DYNC1H1: variants seen among roughly 807,000 people sequenced by gnomAD.
DYNC1H1 encodes dynein cytoplasmic 1 heavy chain 1.
DYNC1H1 carries 51 observed loss-of-function variants against 527.1 expected under a neutral mutation model. The ratio of observed to expected loss-of-function variants is 0.10; its 90% CI spans 0.08 to 0.12. The LOEUF (loss-of-function observed/expected upper bound fraction) is 0.12. Among genes scored for constraint, DYNC1H1 ranks in the 10% least tolerant of loss-of-function variants. The pLI is 1.00. For synonymous variants in DYNC1H1, 2,189 were observed against 2,278.8 expected, an observed-to-expected ratio of 0.96 and a Z score of 1.12; for missense variants, 2,771 against 5,971.8, an observed-to-expected ratio of 0.46 and a Z score of 17.66.
chr14:102,000,414 C>T lies in DYNC1H1; in HGVS notation c.4074+15C>T, dbSNP rs553514749. On this transcript the variant is annotated intron_variant, in intron 18 of 77. Coordinates refer to ENST00000360184, the MANE Select transcript of DYNC1H1 (RefSeq NM_001376.5). ...AGCCTCGAAAGGTATATCATGAAATCGGTGTTTGTGTACGTCTATTTTAAC... is the reference window on the plus strand; with the variant it reads ...AGCCTCGAAAGGTATATCATGAAATTGGTGTTTGTGTACGTCTATTTTAAC... 2.5e-5 allele frequency: 40 copies of T among 1,611,790 alleles called. No homozygotes were observed. Among genetic ancestry groups the T allele is most frequent in the African/African-American group, 1.3e-4 (10 of 74,940 alleles).
Position 102,049,647 on chromosome 14 carries a change from C to G in DYNC1H1, c.13515+65C>G. 1 of 1,613,376 alleles carries G rather than the reference C, an allele frequency of 6.2e-7. No homozygotes were observed. The highest frequency in any genetic ancestry group is 2.2e-5 in the East Asian group (1 of 44,876). On this transcript the variant is annotated intron_variant, in intron 75 of 77. Transcript: ENST00000360184. This position sits in a 1 kb window ranked among gnomAD's most constrained non-coding sequence, Gnocchi z 5.5. The stretch of plus-strand genomic sequence containing the variant: ...GTCCTGGGCTGGGGTGGGAGTGGCT[C>G]TGGGGAAAAACACAGGGCCCAGGTC...
chr14:102,038,245 C>T lies in DYNC1H1; in HGVS notation c.10909-215C>T, dbSNP rs2048600539. 9 of 710,768 alleles carry T rather than the reference C, an allele frequency of 1.3e-5. No individual in the cohort carries two copies. The highest frequency in any genetic ancestry group is 4.5e-5 in the Admixed American group (2 of 44,448). 44.0% of individuals were successfully genotyped at this position (710,768 alleles called of 1,614,324 possible). ...CTGCCTGCCTCAGCCTCCCAAAGTG[C>T]TGGAATTACAGGCGTGAGCCACCGC... On this transcript the variant is annotated intron_variant, in intron 57 of 77. Coordinates refer to ENST00000360184, the MANE Select transcript of DYNC1H1 (RefSeq NM_001376.5). The surrounding 1 kb of genome is among the most constrained non-coding windows in gnomAD (Gnocchi z 7.2).
In DYNC1H1 at chr14:102,043,887, C is replaced by T; in HGVS notation, c.12526C>T (p.Arg4176Cys). ...VSRICKSPNE[R>C]ARLYFLLAWF... ...CTTTCCTCACCAGTCTCCCAACGAG[C>T]GTGCCCGCTTGTACTTCCTGCTGGC... Residue 4176 changes from arginine (R) to cysteine (C), a missense_variant, in exon 70 of 78, where the codon CGT (arginine) becomes TGT (cysteine). Arg to Cys is a radical substitution (Grantham distance 180). Around this residue, in one of 32 missense-constraint regions of DYNC1H1, gnomAD observed 195 missense variants for 428.6 expected, o/e 0.45. Transcript: ENST00000360184. The T allele has an allele frequency of 6.2e-7, 1 of 1,614,192 alleles. No homozygotes were observed. Among genetic ancestry groups the T allele is most frequent in the Non-Finnish European group, 8.5e-7 (1 of 1,180,036 alleles).
At chr14:102,013,642 G>A (rs542255092) in intron 34 of DYNC1H1, among the ~76,000 whole-genome samples, 2 of 152,144 alleles carry the variant, frequency 1.3e-5, no homozygotes, top group African/African-American at 4.8e-5. Context: ...GGTCATTGTC[G>A]GGGGTGTGAG....
chr14:101,967,897 C>T (rs984378920), intron 1 of DYNC1H1, among the ~76,000 whole-genome samples: 1 of 152,148 alleles, frequency 6.6e-6, no homozygotes, highest in Admixed American at 6.6e-5. Flanking sequence ...CATCTTGATA[C>T]TGAGGAATTG....
At chr14:101,999,852 T>C (rs2048109950) in intron 16 of DYNC1H1, 137 bp from the exon 17 acceptor site, 1 of 1,199,710 alleles carries the variant, frequency 8.3e-7, no homozygotes, top group Non-Finnish European at 1.2e-6. Context: ...TCTTGTTGAA[T>C]GTTTCCTTAT....
intron 42 of DYNC1H1, among the ~76,000 whole-genome samples, chr14:102,022,437 C>T (rs1338651870): frequency 1.3e-5 from 2 of 149,128 alleles, no homozygotes; most frequent in African/African-American, 2.5e-5. Flanking sequence ...ACCCGGGAGG[C>T]GGAGCTTGCA....
In DYNC1H1 at chr14:102,009,893, C is replaced by T; in HGVS notation, c.6028C>T (p.Pro2010Ser). The T allele has an allele frequency of 6.2e-7, 1 of 1,614,048 alleles. No individual in the cohort carries two copies. The highest frequency in any genetic ancestry group is 8.5e-7 in the Non-Finnish European group (1 of 1,180,016). The stretch of plus-strand genomic sequence containing the variant: ...GCTGAACAAACAAGTCAAGGTGAGC[C>T]CGGACATGGCCATCTTCATCACCAT... The part of the protein sequence containing the change: ...ELLNKQVKVS[P>S]DMAIFITMNP... The change falls in exon 30 of 78, where the codon CCG becomes TCG. Residue 2010 changes from proline (P) to serine (S), a missense_variant. By Grantham distance (74) the Pro-to-Ser change is moderately conservative (BLOSUM62 -1). Coordinates refer to ENST00000360184, the MANE Select transcript of DYNC1H1 (RefSeq NM_001376.5).
At position 102,047,620 on chromosome 14, in the gene DYNC1H1, C is replaced by CGTGTGTGTGTGTGTGTGTGT. The variant is rs71116873; in HGVS notation, c.13007-194_13007-175dup. The CGTGTGTGTGTGTGTGTGTGT allele has an allele frequency of 1.7e-5, 5 of 300,652 alleles. No individual in the cohort carries two copies. The African/African-American group carries it at 2.0e-4, about 12-fold the overall frequency. The allele number at this position is 300,652 out of a possible 1,614,324, so 18.6% of individuals were successfully genotyped here. A position where few individuals can be genotyped will look rare whatever the true frequency, so the allele number is the denominator to read the frequency against. ...ATATACACATATATGTATATATACA[C>CGTGTGTGTGTGTGTGTGTGT]GTGTGTGTGTGTGTGTGTGTGTATA... On this transcript the variant is annotated intron_variant, in intron 72 of 77. Transcript: ENST00000360184.
Position 102,033,834 on chromosome 14 carries a change from C to A in DYNC1H1, c.10414-142C>A. 1 of 868,010 alleles carries A rather than the reference C, an allele frequency of 1.2e-6. No individual in the cohort carries two copies. 53.8% of individuals were successfully genotyped at this position (868,010 alleles called of 1,614,324 possible). ...TAGTTATATATGATCTGGGTCTCAT[C>A]TCCTCTGGGACTGTGAACAACTTGG... On this transcript the variant is annotated intron_variant, in intron 54 of 77. Coordinates refer to ENST00000360184, the MANE Select transcript of DYNC1H1 (RefSeq NM_001376.5). This position sits in a 1 kb window ranked among gnomAD's most constrained non-coding sequence, Gnocchi z 5.6.
At chr14:102,037,714 T>G (rs1276899539) in intron 57 of DYNC1H1, 1 of 153,626 alleles carries the variant, frequency 6.5e-6, no homozygotes, top group East Asian at 1.9e-4. Flanking sequence ...AGTTTACCTA[T>G]GTAACAAACC....
At position 102,005,858 on chromosome 14, in the gene DYNC1H1, T is replaced by C. The variant is rs758774676; in HGVS notation, c.5434-30T>C. On this transcript the variant is annotated intron_variant, in intron 26 of 77. Coordinates refer to ENST00000360184, the MANE Select transcript of DYNC1H1 (RefSeq NM_001376.5). The surrounding 1 kb of genome is among the most constrained non-coding windows in gnomAD (Gnocchi z 4.0). ...ATGCACTGTATTGCTTTAGTGTAGA[T>C]GAACTTTTAAAGTGACTCTCTTTCT... 4 of 1,614,050 alleles carry C rather than the reference T, an allele frequency of 2.5e-6. No homozygotes were observed. Among genetic ancestry groups the C allele is most frequent in the South Asian group, 1.1e-5 (1 of 91,046 alleles).
intron 7 of DYNC1H1, among the ~76,000 whole-genome samples, chr14:101,984,915 A>G (rs957502419): frequency 1.4e-5 from 2 of 139,944 alleles, no homozygotes; most frequent in South Asian, 2.5e-4. Flanking sequence ...CCTGGGCAAC[A>G]GAGGGAGGCT....
chr14:102,042,568 G>T lies in DYNC1H1; in HGVS notation c.12399+61G>T. ...GCCTGGCACTGTGCTGTCGGCACGT[G>T]TGTGGTGGAATTGAACAGGCGCCCT... On this transcript the variant is annotated intron_variant, in intron 68 of 77. Coordinates refer to ENST00000360184, the MANE Select transcript of DYNC1H1 (RefSeq NM_001376.5). This position sits in a 1 kb window ranked among gnomAD's most constrained non-coding sequence, Gnocchi z 5.7. The T allele has an allele frequency of 6.2e-7, 1 of 1,613,774 alleles. No individual in the cohort carries two copies. The highest frequency in any genetic ancestry group is 1.1e-5 in the South Asian group (1 of 91,032).
In DYNC1H1 at chr14:102,020,176, G is replaced by A. The variant is rs987839344; in HGVS notation, c.8507+120G>A. 1.4e-6 allele frequency: 2 copies of A among 1,395,738 alleles called. No homozygotes were observed. Among genetic ancestry groups the A allele is most frequent in the African/African-American group, 1.4e-5 (1 of 69,986 alleles). 86.5% of individuals were successfully genotyped at this position (1,395,738 alleles called of 1,614,324 possible). On this transcript the variant is annotated intron_variant, in intron 42 of 77. Coordinates refer to ENST00000360184, the MANE Select transcript of DYNC1H1 (RefSeq NM_001376.5). This position sits in a 1 kb window ranked among gnomAD's most constrained non-coding sequence, Gnocchi z 4.3. ...AAGTTAGAGCCAGGTGGTGCCAGTG[G>A]TGGAAGGAGCAGAGTCAGCCAGGGC...
chr14:102,025,834 C>G, intron 43 of DYNC1H1, among the ~76,000 whole-genome samples: 1 of 152,098 alleles, frequency 6.6e-6, no homozygotes, highest in East Asian at 1.9e-4. Flanking sequence ...AGGGCAGGCC[C>G]AGGCCAGGTG....
At chr14:102,026,975 T>C in intron 44 of DYNC1H1, 199 bp from the exon 45 acceptor site, 1 of 792,390 alleles carries the variant, frequency 1.3e-6, no homozygotes, top group Non-Finnish European at 2.1e-6. Context: ...TAGTCTCTCA[T>C]GTCAGTCTAG....
intron 74 of DYNC1H1, chr14:102,048,907 C>T: frequency 1.7e-6 from 1 of 580,184 alleles, no homozygotes; most frequent in East Asian, 3.2e-5. Flanking sequence ...CTTTACACAA[C>T]TTCTAGTTTT....
At chr14:101,974,087 C>G (rs2047772178) in intron 1 of DYNC1H1, among the ~76,000 whole-genome samples, 1 of 152,072 alleles carries the variant, frequency 6.6e-6, no homozygotes, top group Non-Finnish European at 1.5e-5. Context: ...AACTACTGCC[C>G]TTTCCTTTAT....
Sources: allele counts gnomAD v4.1 joint callset (sites outside exome capture counted in the v4.1 genomes callset), GRCh38; gene constraint gnomAD v4.1.1; regional missense constraint gnomAD v4.1.1; non-coding constraint Gnocchi (gnomAD v3.1); transcripts MANE v1.5; gene names NCBI Gene and HGNC (gene_info 2026-07-23, HGNC 2026-07-21).